BPTF: variants seen among roughly 807,000 people sequenced by gnomAD.
BPTF encodes the protein nucleosome-remodeling factor subunit BPTF.
In BPTF, 18 loss-of-function variants were observed where a neutral mutation model predicts 292.5. The ratio of observed to expected loss-of-function variants is 0.06; its 90% CI spans 0.04 to 0.09. BPTF has a LOEUF of 0.09. Among genes scored for constraint, BPTF ranks in the 10% least tolerant of loss-of-function variants. The probability of loss-of-function intolerance (pLI) is 1.00; values close to 1 mark genes in which losing one functional copy is unlikely to be tolerated. For missense variants in BPTF, 2,726 were observed against 3,498.7 expected (o/e 0.78, Z 5.57); for synonymous variants, 1,225 against 1,251.9 (o/e 0.98, Z 0.45).
rs1372584914 is a variant in BPTF at position 67,949,628 on chromosome 17, T to C, written c.7926+1322T>C. On this transcript the variant is annotated intron_variant, in intron 23 of 27. Coordinates refer to ENST00000306378, the MANE Select transcript of BPTF (RefSeq NM_182641.4). ...ACATATATATACACACACACATATA[T>C]ACACATACGTACATATATATATATA... 2.5e-4 allele frequency among the ~76,000 whole-genome samples: 34 copies of C among 137,662 alleles called. No individual in the cohort carries two copies. In the Admixed American group the frequency reaches 2.5e-3, roughly 10 times the overall value. 90.3% of individuals were successfully genotyped at this position (137,662 alleles called of 152,430 possible).
In BPTF at chr17:67,911,605, G is replaced by A. The variant is rs201523219; in HGVS notation, c.3721G>A (p.Glu1241Lys). ...CKNKKPLIQE[E>K]SDTIVSSSKS... ...GAACAAAAAACCGCTCATACAGGAG[G>A]AAAGTGACACCATTGTTTCTTCTTC... Residue 1241 changes from glutamate (E) to lysine (K), a missense_variant, in exon 11 of 28, where the codon GAA becomes AAA. Glu to Lys is a moderately conservative substitution (Grantham distance 56, BLOSUM62 1). Around this residue, in one of 22 missense-constraint regions of BPTF, gnomAD observed 713 missense variants for 714.9 expected, o/e 1.00. Coordinates refer to ENST00000306378, the MANE Select transcript of BPTF (RefSeq NM_182641.4). The A allele has an allele frequency of 6.4e-5, 103 of 1,614,050 alleles. No homozygotes were observed. The Middle Eastern group carries it at 9.9e-4, about 15-fold the overall frequency.
chr17:67,903,948 T>G (rs749881126), intron 8 of BPTF, 30 bp downstream of exon 8: 3 of 1,549,514 alleles, frequency 1.9e-6, no homozygotes, highest in South Asian at 2.5e-5. Context: ...TTTAAAATAG[T>G]GTTAGCCATT....
chr17:67,896,137 T>C (rs2061430374), intron 7 of BPTF, among the ~76,000 whole-genome samples: 1 of 152,186 alleles, frequency 6.6e-6, no homozygotes. Context: ...TAATTTTTTG[T>C]ATTTTTAGTA....
chr17:67,947,973 CCAGT>C, intron 22 of BPTF, 104 bp from the exon 23 acceptor site: 4 of 1,297,122 alleles, frequency 3.1e-6, no homozygotes, highest in South Asian at 1.4e-5. Flanking sequence ...TTGACGTTTT[CCAGT>C]CACAGAAAGT....
At chr17:67,851,453 C>G (rs921626281) in intron 1 of BPTF, among the ~76,000 whole-genome samples, 2 of 152,080 alleles carry the variant, frequency 1.3e-5, no homozygotes, top group African/African-American at 4.8e-5. Context: ...CCTCCACATG[C>G]GTATGCATAA....
intron 4 of BPTF, among the ~76,000 whole-genome samples, chr17:67,887,704 C>T (rs575716252): frequency 3.9e-5 from 6 of 152,138 alleles, no homozygotes; most frequent in South Asian, 2.1e-4. Context: ...TTGGGAAGTC[C>T]GAGCCATCAT....
intron 5 of BPTF, among the ~76,000 whole-genome samples, chr17:67,892,413 T>C (rs879889572): frequency 1.3e-5 from 2 of 152,238 alleles, no homozygotes; most frequent in African/African-American, 2.4e-5. Context: ...CTATGATCAC[T>C]TCAGGTGAAC....
chr17:67,970,291 C>G (rs564806960), intron 26 of BPTF, among the ~76,000 whole-genome samples: 1 of 151,740 alleles, frequency 6.6e-6, no homozygotes, highest in Non-Finnish European at 1.5e-5. Flanking sequence ...GGTCCCAGCC[C>G]GAGAGACTGA....
At chr17:67,895,462 ATTTTTT>A (rs1228953258) in intron 7 of BPTF, among the ~76,000 whole-genome samples, 2 of 131,006 alleles carry the variant, frequency 1.5e-5, no homozygotes, top group Non-Finnish European at 1.6e-5. Context: ...CACCACATAC[ATTTTTT>A]TTTTTTTTTT....
At chr17:67,938,863 A>G (rs570065368) in intron 18 of BPTF, among the ~76,000 whole-genome samples, 7 of 152,358 alleles carry the variant, frequency 4.6e-5, no homozygotes, top group Admixed American at 4.6e-4. Context: ...AGAAATGGGC[A>G]GTGTGTGGAG....
intron 4 of BPTF, among the ~76,000 whole-genome samples, chr17:67,882,733 G>A (rs1010458028): frequency 2.1e-4 from 32 of 152,036 alleles, no homozygotes; most frequent in African/African-American, 7.0e-4. Context: ...TGGGCTGGGC[G>A]TGGTGGCTGA....
chr17:67,961,714 C>T (rs1431018443), intron 24 of BPTF, among the ~76,000 whole-genome samples: 1 of 152,156 alleles, frequency 6.6e-6, no homozygotes, highest in East Asian at 1.9e-4. Flanking sequence ...TGGCTAATGC[C>T]TGTAATCCCA....
At chr17:67,914,803 C>T (rs965000946) in intron 11 of BPTF, among the ~76,000 whole-genome samples, 1 of 152,144 alleles carries the variant, frequency 6.6e-6, no homozygotes, top group Non-Finnish European at 1.5e-5. Flanking sequence ...TCTTAGTATG[C>T]ACTATGGTAC....
chr17:67,967,715 A>G (rs924275517), intron 26 of BPTF, among the ~76,000 whole-genome samples: 3 of 151,658 alleles, frequency 2.0e-5, no homozygotes, highest in East Asian at 3.9e-4. Context: ...GCTGCTAAGG[A>G]GGCTGAGGCA....
At chr17:67,938,621 T>C (rs1169110214) in intron 18 of BPTF, among the ~76,000 whole-genome samples, 1 of 152,150 alleles carries the variant, frequency 6.6e-6, no homozygotes, top group African/African-American at 2.4e-5. Flanking sequence ...GGCTTATAGT[T>C]TGGGGGGAAA....
chr17:67,928,363 G>A lies in BPTF; in HGVS notation c.5760G>A (p.Leu1920=), dbSNP rs748032435. ...QAVEQQAKKR[L]EQQKPTVIAT... Reference sequence around the variant, plus strand: ...CTCCTTCACTTTTTTAGAAACGACTGGAGCAGCAGAAGCCGACAGTGATTG... The same window carrying A: ...CTCCTTCACTTTTTTAGAAACGACTAGAGCAGCAGAAGCCGACAGTGATTG... The change falls in exon 16 of 28, where the codon CTG becomes CTA. Residue 1920 remains leucine, a synonymous_variant. Transcript: ENST00000306378. 16 of 1,605,158 alleles carry A rather than the reference G, an allele frequency of 1.0e-5. No homozygotes were observed. The highest frequency in any genetic ancestry group is 1.7e-4 in the Middle Eastern group (1 of 6,024).
chr17:67,841,456 A>C (rs945152693), intron 1 of BPTF, among the ~76,000 whole-genome samples: 1 of 152,070 alleles, frequency 6.6e-6, no homozygotes, highest in Non-Finnish European at 1.5e-5. Context: ...ACTAATATAA[A>C]ATTAGTATTT....
intron 19 of BPTF, among the ~76,000 whole-genome samples, chr17:67,941,255 A>G (rs995873764): frequency 5.3e-5 from 8 of 152,202 alleles, no homozygotes; most frequent in Admixed American, 5.2e-4. Context: ...GTCTGAGACC[A>G]GCCTGACCAA....
At chr17:67,853,258 TTAAC>T (rs777541612) in intron 1 of BPTF, among the ~76,000 whole-genome samples, 2 of 152,240 alleles carry the variant, frequency 1.3e-5, no homozygotes, top group African/African-American at 2.4e-5. Flanking sequence ...AAAAAGTTGT[TTAAC>T]TGACTGTTAA....
Sources: allele counts gnomAD v4.1 joint callset (sites outside exome capture counted in the v4.1 genomes callset), GRCh38; gene constraint gnomAD v4.1.1; regional missense constraint gnomAD v4.1.1; transcripts MANE v1.5; gene names NCBI Gene and HGNC (gene_info 2026-07-23, HGNC 2026-07-21).